ITCH: variants seen among roughly 807,000 people sequenced by gnomAD.
ITCH encodes the protein E3 ubiquitin-protein ligase Itchy homolog.
ITCH carries 28 observed loss-of-function variants against 126.8 expected under a neutral mutation model. That is an observed-to-expected ratio of 0.22 (90% confidence interval 0.16 to 0.30). The LOEUF (loss-of-function observed/expected upper bound fraction) is 0.30, where lower values mean the gene tolerates loss of function less well. Ranked by LOEUF, ITCH falls within the 10% of genes least tolerant of loss-of-function variation. The pLI is 1.00. For missense variants in ITCH, 631 were observed against 1,032.4 expected, an observed-to-expected ratio of 0.61 and a Z score of 5.33; for synonymous variants, 342 against 340.0, an observed-to-expected ratio of 1.01 and a Z score of -0.06.
intron 12 of ITCH, among the ~76,000 whole-genome samples, chr20:34,453,226 AT>A (rs946714904): frequency 1.3e-5 from 2 of 152,246 alleles, no homozygotes; most frequent in African/African-American, 4.8e-5. Flanking sequence ...CTTAGAATAT[AT>A]ATGAGAAAAA....
chr20:34,495,214 G>A (rs1319127160), intron 23 of ITCH, among the ~76,000 whole-genome samples: 4 of 149,948 alleles, frequency 2.7e-5, no homozygotes, highest in Non-Finnish European at 5.9e-5. Context: ...GCAGTGAGTC[G>A]AGATTATGCC....
intron 12 of ITCH, chr20:34,451,010 C>T (rs542240002): frequency 2.6e-5 from 4 of 152,120 alleles, no homozygotes; most frequent in East Asian, 3.8e-4. Flanking sequence ...GTTGTGGGCC[C>T]GATGCAGTGA....
chr20:34,386,331 T>G (rs2038283134), intron 2 of ITCH, among the ~76,000 whole-genome samples: 1 of 152,306 alleles, frequency 6.6e-6, no homozygotes, highest in South Asian at 2.1e-4. Flanking sequence ...CTAGCTAGTC[T>G]TTGCTACTGT....
At chr20:34,492,632 A>AT in intron 23 of ITCH, 35 bp downstream of exon 23, 2 of 1,308,904 alleles carry the variant, frequency 1.5e-6, no homozygotes, top group Non-Finnish European at 2.2e-6. Flanking sequence ...TATACAGAAA[A>AT]TTGTTTATCA....
At chr20:34,457,560 TTTGC>T in intron 13 of ITCH, 86 bp downstream of exon 13, 1 of 951,748 alleles carries the variant, frequency 1.1e-6, no homozygotes, top group Non-Finnish European at 1.7e-6. Flanking sequence ...TTCATATTCT[TTTGC>T]CAAAGACCTA....
intron 14 of ITCH, among the ~76,000 whole-genome samples, chr20:34,463,771 C>T (rs1376731458): frequency 1.3e-5 from 2 of 151,458 alleles, no homozygotes; most frequent in Non-Finnish European, 2.9e-5. Context: ...AATGTCTCTT[C>T]AAGTCCTTTG....
chr20:34,504,554 C>T, intron 24 of ITCH, 151 bp downstream of exon 24: 1 of 651,444 alleles, frequency 1.5e-6, no homozygotes, highest in East Asian at 2.8e-5. Context: ...TTTGTTCACC[C>T]CTGTATGATT....
In ITCH at chr20:34,442,364, A is replaced by G. The variant is rs1983864831; in HGVS notation, c.965+61A>G. The G allele has an allele frequency of 5.1e-6, 6 of 1,166,734 alleles. No homozygotes were observed. The Admixed American group carries it at 8.7e-5, about 17-fold the overall frequency. The allele number at this position is 1,166,734 out of a possible 1,614,324, so 72.3% of individuals were successfully genotyped here. ...AGTCAGAATTGTGGATTACAACTGT[A>G]TAATCTTCCCTACATTTCTGTTTTA... On this transcript the variant is annotated intron_variant, in intron 10 of 24. Transcript: ENST00000374864.
intron 2 of ITCH, among the ~76,000 whole-genome samples, chr20:34,391,303 G>A (rs376398115): frequency 1.3e-5 from 2 of 152,154 alleles, no homozygotes; most frequent in African/African-American, 4.8e-5. Flanking sequence ...TGAATGGAAT[G>A]TATACTTTTT....
chr20:34,386,095 G>GTTTTTTTTTTTTTGT (rs58468663), intron 2 of ITCH, among the ~76,000 whole-genome samples: 1 of 144,716 alleles, frequency 6.9e-6, no homozygotes, highest in African/African-American at 2.5e-5. Context: ...CGGCTCCTTT[G>GTTTTTTTTTTTTTGT]TTTTTTTTTT....
chr20:34,390,354 C>A (rs918533939), intron 2 of ITCH, among the ~76,000 whole-genome samples: 1 of 151,024 alleles, frequency 6.6e-6, no homozygotes, highest in African/African-American at 2.4e-5. Context: ...GAATGTTGAT[C>A]TAGATCTGTC....
At chr20:34,375,071 C>T (rs1215688848) in intron 2 of ITCH, among the ~76,000 whole-genome samples, 2 of 146,140 alleles carry the variant, frequency 1.4e-5, no homozygotes, top group South Asian at 2.2e-4. Context: ...GACAGAATCT[C>T]GCTCTTGTTG....
intron 23 of ITCH, among the ~76,000 whole-genome samples, chr20:34,493,848 G>A (rs1989680989): frequency 6.6e-6 from 1 of 152,218 alleles, no homozygotes; most frequent in Non-Finnish European, 1.5e-5. Context: ...TTGATGCTGT[G>A]AGAATGTGTG....
intron 3 of ITCH, among the ~76,000 whole-genome samples, chr20:34,395,554 T>C (rs1568886871): frequency 6.6e-6 from 1 of 152,174 alleles, no homozygotes; most frequent in Non-Finnish European, 1.5e-5. Context: ...CAATCAACTT[T>C]AAAATAATTT....
intron 3 of ITCH, chr20:34,401,563 TA>T: frequency 2.6e-6 from 2 of 781,460 alleles, no homozygotes; most frequent in Non-Finnish European, 3.1e-6. Context: ...ACTAACTTTC[TA>T]AAAGGAGTAT....
chr20:34,490,661 A>G (rs941539847), intron 22 of ITCH, among the ~76,000 whole-genome samples: 1 of 152,160 alleles, frequency 6.6e-6, no homozygotes, highest in African/African-American at 2.4e-5. Flanking sequence ...AAACAACACA[A>G]TGAGATACCA....
At chr20:34,504,520 C>T in intron 24 of ITCH, 117 bp downstream of exon 24, 1 of 721,742 alleles carries the variant, frequency 1.4e-6, no homozygotes, top group Non-Finnish European at 2.5e-6. Context: ...GCACAGCCAT[C>T]ATAGCAATCC....
chr20:34,476,603 A>G (rs2146451363), intron 16 of ITCH: 1 of 527,906 alleles, frequency 1.9e-6, no homozygotes, highest in South Asian at 9.3e-5. Flanking sequence ...TACATATGTC[A>G]TAAGCATTGA....
intron 22 of ITCH, among the ~76,000 whole-genome samples, chr20:34,490,161 T>A (rs954204818): frequency 2.0e-5 from 3 of 152,216 alleles, no homozygotes; most frequent in African/African-American, 7.2e-5. Context: ...TTCGAGATGA[T>A]AAAATTTACC....
Sources: allele counts gnomAD v4.1 joint callset (sites outside exome capture counted in the v4.1 genomes callset), GRCh38; gene constraint gnomAD v4.1.1; transcripts MANE v1.5; gene names NCBI Gene and HGNC (gene_info 2026-07-23, HGNC 2026-07-21).